GLIS3: variants seen among roughly 807,000 people sequenced by gnomAD.
The protein encoded by GLIS3 is zinc finger protein GLIS3.
Under a neutral mutation model 78.6 loss-of-function variants are expected in GLIS3, and 53 were observed. The observed-to-expected ratio is 0.67, with a 90% CI of 0.54 to 0.85. The LOEUF is 0.85. GLIS3 is among the 40% of genes least tolerant of loss of function. The pLI is 0.00. For missense variants in GLIS3, 1,703 were observed against 1,231.1 expected, an observed-to-expected ratio of 1.38 and a Z score of -5.74; for synonymous variants, 684 against 509.9, an observed-to-expected ratio of 1.34 and a Z score of -4.60.
At chr9:4,029,050 A>G (rs1394721842) in intron 4 of GLIS3, among the ~76,000 whole-genome samples, 1 of 152,182 alleles carries the variant, frequency 6.6e-6, no homozygotes, top group East Asian at 1.9e-4. Flanking sequence ...TATTTTGTAG[A>G]AAGAAGAAAA....
chr9:4,361,579 G>T, the GLIS3 span, among the ~76,000 whole-genome samples: 2 of 152,118 alleles, frequency 1.3e-5, no homozygotes, highest in African/African-American at 4.8e-5. Context: ...TCTGTTACTC[G>T]CCTGAGATGC....
intron 2 of GLIS3, among the ~76,000 whole-genome samples, chr9:4,315,886 T>G (rs1169926585): frequency 6.6e-6 from 1 of 152,112 alleles, no homozygotes; most frequent in Non-Finnish European, 1.5e-5. Context: ...TGCAGGCCTC[T>G]TAGAGCAGAT....
At chr9:4,444,732 T>C in the GLIS3 span, among the ~76,000 whole-genome samples, 1 of 152,218 alleles carries the variant, frequency 6.6e-6, no homozygotes, top group Non-Finnish European at 1.5e-5. Context: ...GGCATTTGCA[T>C]GCCTTACACA....
chr9:4,102,247 T>C (rs1453076718), intron 4 of GLIS3, among the ~76,000 whole-genome samples: 2 of 152,168 alleles, frequency 1.3e-5, no homozygotes, highest in Non-Finnish European at 2.9e-5. Flanking sequence ...TCTGGAAGCA[T>C]GAAGCATTAC....
the GLIS3 span, among the ~76,000 whole-genome samples, chr9:4,357,225 T>C: frequency 6.6e-6 from 1 of 152,200 alleles, no homozygotes; most frequent in South Asian, 2.1e-4. Flanking sequence ...TTTATTCTGG[T>C]TGTGTCTGTG....
chr9:4,172,998 G>A (rs1449032714), intron 2 of GLIS3, among the ~76,000 whole-genome samples: 1 of 152,096 alleles, frequency 6.6e-6, no homozygotes. Context: ...CTTTCTAAAT[G>A]TTGGCTCTGT....
chr9:4,488,994 G>C, the GLIS3 span, among the ~76,000 whole-genome samples: 2 of 152,140 alleles, frequency 1.3e-5, no homozygotes, highest in Admixed American at 1.3e-4. Flanking sequence ...AGCCTCCCAA[G>C]TAGCTGCGAC....
chr9:3,830,245 C>T (rs936975316), intron 9 of GLIS3, among the ~76,000 whole-genome samples: 1 of 152,026 alleles, frequency 6.6e-6, no homozygotes, highest in African/African-American at 2.4e-5. Context: ...CTTGGGGTCC[C>T]ATGTGGTTCT....
intron 4 of GLIS3, among the ~76,000 whole-genome samples, chr9:4,116,907 T>G (rs1831688157): frequency 6.6e-6 from 1 of 152,248 alleles, no homozygotes; most frequent in Non-Finnish European, 1.5e-5. Context: ...AAAGCCATCC[T>G]GTGATCCCAA....
chr9:3,893,188 T>C (rs1339696732), intron 7 of GLIS3, among the ~76,000 whole-genome samples: 1 of 152,226 alleles, frequency 6.6e-6, no homozygotes, highest in Non-Finnish European at 1.5e-5. Context: ...GCCTCGCTAC[T>C]TGCCTCTCCT....
At chr9:4,307,136 T>C (rs1817244892) in intron 4 of GLIS3, among the ~76,000 whole-genome samples, 1 of 152,226 alleles carries the variant, frequency 6.6e-6, no homozygotes, top group African/African-American at 2.4e-5. Flanking sequence ...CGTAAGATTC[T>C]TGATCTCATT....
chr9:4,410,877 G>A, the GLIS3 span, among the ~76,000 whole-genome samples: 1 of 152,122 alleles, frequency 6.6e-6, no homozygotes, highest in African/African-American at 2.4e-5. Context: ...TAGCCACCAG[G>A]AAGGTCAATG....
intron 2 of GLIS3, among the ~76,000 whole-genome samples, chr9:4,200,267 A>G (rs967788195): frequency 6.6e-6 from 1 of 152,026 alleles, no homozygotes; most frequent in Non-Finnish European, 1.5e-5. Flanking sequence ...GAACAAACTA[A>G]CTCCAGAGCT....
chr9:4,098,055 T>G (rs1040610459), intron 4 of GLIS3, among the ~76,000 whole-genome samples: 2 of 152,186 alleles, frequency 1.3e-5, no homozygotes, highest in Non-Finnish European at 2.9e-5. Flanking sequence ...GAAAGGCACA[T>G]AGAGTCTTCC....
chr9:4,064,710 C>G lies in GLIS3; in HGVS notation c.1710+53058G>C, dbSNP rs1004391528. Among the ~76,000 whole-genome samples the G allele has an allele frequency of 2.0e-5, 3 of 152,100 alleles. No homozygotes were observed. In the East Asian group the frequency reaches 5.8e-4, roughly 29 times the overall value. ...TTGGAAGGCTGAGGCAGGAGAATCA[C>G]CTGAAGCTGGGAGGTGGAGGTTGAA... On this transcript the variant is annotated intron_variant, in intron 4 of 10. Coordinates refer to ENST00000381971, the MANE Select transcript of GLIS3 (RefSeq NM_001042413.2).
At chr9:4,384,683 G>A in the GLIS3 span, among the ~76,000 whole-genome samples, 5 of 151,944 alleles carry the variant, frequency 3.3e-5, no homozygotes, top group African/African-American at 1.2e-4. Context: ...CCAGCTTACT[G>A]CTTATTCAAG....
Position 4,326,861 on chromosome 9 carries a change from G to A in GLIS3, n.265-16333C>T, listed in dbSNP as rs140781281. On this transcript the variant is annotated intron_variant and non_coding_transcript_variant, in intron 2 of 4. Coordinates refer to the GLIS3 transcript ENST00000471664. Reference sequence around the variant, plus strand: ...GTACATAAGGACTGGCATAAGCGTGGAGCATCTTGGCTGTGGGTGCATGTC... The same window carrying A: ...GTACATAAGGACTGGCATAAGCGTGAAGCATCTTGGCTGTGGGTGCATGTC... 5.6e-3 allele frequency among the ~76,000 whole-genome samples: 854 copies of A among 152,294 alleles called. 8 individuals carry two copies. Among genetic ancestry groups the A allele is most frequent in the African/African-American group, 0.019 (808 of 41,560 alleles).
the GLIS3 span, among the ~76,000 whole-genome samples, chr9:4,402,949 C>A: frequency 0.15 from 22,801 of 152,072 alleles, 2,110 homozygotes; most frequent in Middle Eastern, 0.22. Flanking sequence ...AAGATATCAA[C>A]ATTCAAGTAT....
At chr9:4,445,128 G>A in the GLIS3 span, among the ~76,000 whole-genome samples, 1 of 152,136 alleles carries the variant, frequency 6.6e-6, no homozygotes, top group Non-Finnish European at 1.5e-5. Context: ...AATGAGGTGT[G>A]GGAGAGAAGG....
Sources: allele counts gnomAD v4.1 joint callset (sites outside exome capture counted in the v4.1 genomes callset), GRCh38; gene constraint gnomAD v4.1.1; transcripts MANE v1.5; gene names NCBI Gene and HGNC (gene_info 2026-07-23, HGNC 2026-07-21).